The following COLGALT2 variants were observed in gnomAD, a reference collection of about 807,000 sequenced individuals.
COLGALT2 encodes collagen beta(1-O)galactosyltransferase 2, also known as procollagen galactosyltransferase 2.
A neutral mutation model predicts 73.4 loss-of-function variants in COLGALT2; 49 were observed. The observed-to-expected ratio is 0.67, with a 90% confidence interval of 0.53 to 0.85. The LOEUF (loss-of-function observed/expected upper bound fraction) is 0.85, where lower values mean the gene tolerates loss of function less well. Ranked by LOEUF, COLGALT2 falls within the 40% of genes least tolerant of loss-of-function variation. The pLI, the probability that COLGALT2 is intolerant of heterozygous loss-of-function variation, is 0.00. For missense variants in COLGALT2, 722 were observed against 790.2 expected, an observed-to-expected ratio of 0.91 and a Z score of 1.03; for synonymous variants, 295 against 307.6, an observed-to-expected ratio of 0.96 and a Z score of 0.43.
intron 1 of COLGALT2, among the ~76,000 whole-genome samples, chr1:183,995,220 G>A (rs1671739355): frequency 6.6e-6 from 1 of 152,138 alleles, no homozygotes; most frequent in Non-Finnish European, 1.5e-5. Context: ...AAAGAAATAA[G>A]TGCTATAATC....
rs187565426 is a variant in COLGALT2 at position 183,973,066 on chromosome 1, T to C, written c.627+550A>G. Among the ~76,000 whole-genome samples the C allele has an allele frequency of 3.9e-5, 6 of 152,326 alleles. No homozygotes were observed. The East Asian group carries it at 1.2e-3, about 29-fold the overall frequency. On this transcript the variant is annotated intron_variant, in intron 4 of 11. Transcript: ENST00000361927. Reference sequence around the variant, plus strand: ...ATCCTAAGGATATAATCTTAAATGCTGAAAAATTATATTAATCATGACGGT... The same window carrying C: ...ATCCTAAGGATATAATCTTAAATGCCGAAAAATTATATTAATCATGACGGT...
At chr1:183,956,740 C>G (rs531785751) in intron 6 of COLGALT2, among the ~76,000 whole-genome samples, 80 of 149,562 alleles carry the variant, frequency 5.3e-4, no homozygotes, top group African/African-American at 1.8e-3. Context: ...ACAAGTGTTG[C>G]AAAAAAAAAG....
At chr1:184,026,436 G>T (rs750684220) in intron 1 of COLGALT2, among the ~76,000 whole-genome samples, 2 of 152,162 alleles carry the variant, frequency 1.3e-5, no homozygotes, top group Non-Finnish European at 2.9e-5. Context: ...CTTAACAACT[G>T]AGTTGCAATC....
chr1:183,986,144 G>A (rs1415635687), intron 1 of COLGALT2, among the ~76,000 whole-genome samples: 2 of 152,024 alleles, frequency 1.3e-5, no homozygotes, highest in African/African-American at 4.8e-5. Flanking sequence ...CTTCTTTCTT[G>A]GTTACTGGGT....
At chr1:183,934,809 A>G (rs1165011140), downstream of COLGALT2, among the ~76,000 whole-genome samples, 2 of 152,208 alleles carry the variant, frequency 1.3e-5, no homozygotes, top group Non-Finnish European at 2.9e-5. Context: ...CTGAGTGGGA[A>G]TATTTCTTGT....
chr1:184,012,734 C>T (rs1648852005), intron 1 of COLGALT2, among the ~76,000 whole-genome samples: 1 of 152,172 alleles, frequency 6.6e-6, no homozygotes, highest in African/African-American at 2.4e-5. Flanking sequence ...CTGTTTTGAT[C>T]CTAACTTTGT....
At chr1:184,011,791 A>G (rs1648807865) in intron 1 of COLGALT2, among the ~76,000 whole-genome samples, 1 of 152,242 alleles carries the variant, frequency 6.6e-6, no homozygotes, top group Non-Finnish European at 1.5e-5. Flanking sequence ...AGTGGGTGTC[A>G]ATCTGGGCAG....
intron 1 of COLGALT2, among the ~76,000 whole-genome samples, chr1:183,995,460 G>A (rs1437677006): frequency 6.6e-6 from 1 of 152,260 alleles, no homozygotes. Flanking sequence ...CCTCTTGAGT[G>A]AGCAGTGGCT....
intron 11 of COLGALT2, among the ~76,000 whole-genome samples, chr1:183,939,377 A>T (rs1285914472): frequency 6.6e-6 from 1 of 152,182 alleles, no homozygotes; most frequent in East Asian, 1.9e-4. Flanking sequence ...CTGCTTTGGG[A>T]TTAATAAATG....
At position 183,981,180 on chromosome 1, in the gene COLGALT2, A is replaced by G. The variant is rs577356886; in HGVS notation, c.264-2660T>C. Among the ~76,000 whole-genome samples the G allele has an allele frequency of 3.9e-5, 6 of 152,316 alleles. No homozygotes were observed. The South Asian group carries it at 8.3e-4, about 21-fold the overall frequency. On this transcript the variant is annotated intron_variant, in intron 1 of 11. Coordinates refer to ENST00000361927, the MANE Select transcript of COLGALT2 (RefSeq NM_015101.4). The stretch of plus-strand genomic sequence containing the variant: ...ATTCCCATGGAACAAACCTGCACAT[A>G]TACTCCCTGTATCTAAAATGAAAGT...
At chr1:183,988,571 T>A (rs1346439899) in intron 1 of COLGALT2, among the ~76,000 whole-genome samples, 1 of 152,234 alleles carries the variant, frequency 6.6e-6, no homozygotes, top group Admixed American at 6.5e-5. Context: ...CGTCCTTTCT[T>A]ATCAATGGAA....
At chr1:183,945,312 C>G (rs1670219040) in intron 9 of COLGALT2, 120 bp downstream of exon 9, 1 of 1,209,216 alleles carries the variant, frequency 8.3e-7, no homozygotes, top group Non-Finnish European at 1.2e-6. Context: ...AGGAGCAGCT[C>G]TCATGCACAT....
At chr1:183,991,152 T>C (rs895313547) in intron 1 of COLGALT2, among the ~76,000 whole-genome samples, 3 of 152,226 alleles carry the variant, frequency 2.0e-5, no homozygotes, top group African/African-American at 7.2e-5. Context: ...ACTTCATTTG[T>C]ACCTCCCAGA....
intron 1 of COLGALT2, among the ~76,000 whole-genome samples, chr1:184,002,168 AGCCTGTTCCACAGGCTGT>A (rs1411475868): frequency 6.6e-6 from 1 of 152,260 alleles, no homozygotes; most frequent in African/African-American, 2.4e-5. Flanking sequence ...GCTCCTATCT[AGCCTGTTCCACAGGCTGT>A]GCTTCTATCA....
chr1:184,002,451 T>G (rs1287911473), intron 1 of COLGALT2, among the ~76,000 whole-genome samples: 1 of 152,194 alleles, frequency 6.6e-6, no homozygotes, highest in African/African-American at 2.4e-5. Flanking sequence ...ACTAAGCCAT[T>G]GAAACAAAGA....
chr1:183,964,731 T>C (rs1428491464), intron 5 of COLGALT2, among the ~76,000 whole-genome samples: 1 of 152,190 alleles, frequency 6.6e-6, no homozygotes, highest in Non-Finnish European at 1.5e-5. Flanking sequence ...ACCTGATAAC[T>C]TGCAGAGTTA....
intron 1 of COLGALT2, among the ~76,000 whole-genome samples, chr1:184,026,590 T>C (rs941960570): frequency 1.3e-5 from 2 of 152,186 alleles, no homozygotes. Context: ...TAAAAAGCCA[T>C]ATTTTGAGTT....
intron 1 of COLGALT2, among the ~76,000 whole-genome samples, chr1:183,995,535 G>T (rs1479417587): frequency 6.6e-6 from 1 of 152,242 alleles, no homozygotes; most frequent in Non-Finnish European, 1.5e-5. Flanking sequence ...AGGACATTCT[G>T]CCAGTGGAGG....
intron 7 of COLGALT2, among the ~76,000 whole-genome samples, chr1:183,953,840 G>C (rs763162338): frequency 2.0e-5 from 3 of 152,118 alleles, no homozygotes; most frequent in Non-Finnish European, 2.9e-5. Flanking sequence ...CAGTTCTAGC[G>C]TCAAATCCCT....
Sources: gnomAD v4.1 joint callset for allele counts (sites outside exome capture counted in the v4.1 genomes callset) on GRCh38, gnomAD v4.1.1 for gene constraint, MANE v1.5 for transcripts, NCBI Gene and HGNC (gene_info 2026-07-23, HGNC 2026-07-21) for gene names.